Variants in CPB2 observed in about 807,000 individuals in gnomAD.
The protein encoded by CPB2 is carboxypeptidase B-like protein.
A neutral mutation model predicts 57.0 loss-of-function variants in CPB2; 54 were observed. The ratio of observed to expected loss-of-function variants is 0.95; its 90% CI spans 0.76 to 1.19. The LOEUF (loss-of-function observed/expected upper bound fraction) is 1.19. Ranked by LOEUF, CPB2 falls within the 50% of genes most tolerant of loss-of-function variation. CPB2 has a pLI of 0.00. For missense variants in CPB2, 426 were observed against 512.0 expected (o/e 0.83, Z 1.62); for synonymous variants, 189 against 178.1 (o/e 1.06, Z -0.49).
chr13:46,089,723 C>T (rs1260047798), intron 1 of CPB2, among the ~76,000 whole-genome samples: 1 of 152,168 alleles, frequency 6.6e-6, no homozygotes, highest in Middle Eastern at 3.4e-3. Flanking sequence ...AAAGAGATCC[C>T]CTCCCCCTTC....
At chr13:46,071,689 G>A (rs1459329204) in intron 6 of CPB2, among the ~76,000 whole-genome samples, 1 of 152,156 alleles carries the variant, frequency 6.6e-6, no homozygotes, top group African/African-American at 2.4e-5. Context: ...GAGAAGAGAA[G>A]GATCATTGGT....
intron 2 of CPB2, among the ~76,000 whole-genome samples, chr13:46,087,439 C>T (rs1316584496): frequency 6.6e-6 from 1 of 152,194 alleles, no homozygotes; most frequent in East Asian, 1.9e-4. Context: ...TGGTTAAGAA[C>T]CATTGTTTCA....
At chr13:46,091,188 G>A (rs1045130886) in intron 1 of CPB2, among the ~76,000 whole-genome samples, 9 of 152,056 alleles carry the variant, frequency 5.9e-5, no homozygotes, top group African/African-American at 1.7e-4. Context: ...TGATAATTTT[G>A]GTATAGATAT....
At chr13:46,089,362 C>T (rs557424030) in intron 1 of CPB2, among the ~76,000 whole-genome samples, 2 of 152,106 alleles carry the variant, frequency 1.3e-5, no homozygotes, top group Non-Finnish European at 2.9e-5. Context: ...GAGCCAGTGC[C>T]TGAGCTTTGC....
intron 8 of CPB2, among the ~76,000 whole-genome samples, chr13:46,059,248 T>C (rs1404987452): frequency 1.3e-5 from 2 of 152,190 alleles, no homozygotes; most frequent in African/African-American, 4.8e-5. Context: ...ACATCTCATG[T>C]AATTCTTACA....
chr13:46,095,372 C>G (rs1404682260), intron 1 of CPB2, among the ~76,000 whole-genome samples: 2 of 151,950 alleles, frequency 1.3e-5, no homozygotes, highest in Non-Finnish European at 2.9e-5. Flanking sequence ...TCAGTACCAC[C>G]CTTAAAGACC....
At chr13:46,064,423 C>T (rs920257499) in intron 8 of CPB2, among the ~76,000 whole-genome samples, 5 of 152,122 alleles carry the variant, frequency 3.3e-5, no homozygotes, top group Admixed American at 3.3e-4. Context: ...ACTGATTCAA[C>T]TTTCTTATTT....
chr13:46,101,523 A>C (rs2045433704), intron 1 of CPB2, among the ~76,000 whole-genome samples: 1 of 152,176 alleles, frequency 6.6e-6, no homozygotes, highest in African/African-American at 2.4e-5. Flanking sequence ...TCCATGCGAG[A>C]GCAGTGATAG....
At position 46,104,954 on chromosome 13, in the gene CPB2, T is replaced by A; in HGVS notation, c.56A>T (p.His19Leu). The A allele has an allele frequency of 6.2e-7, 1 of 1,613,934 alleles. No homozygotes were observed. Residue 19 changes from histidine to leucine, a missense_variant, in exon 1 of 11, where the codon CAT becomes CTT. Physicochemically the swap from His to Leu is moderately conservative, Grantham distance 99 (BLOSUM62 -3). Coordinates refer to ENST00000181383, the MANE Select transcript of CPB2 (RefSeq NM_001872.5). ...LVPIVLFCEQ[H>L]VFAFQSGQVL... ...GGGTTACCTCTGAAACGCGAAGACA[T>A]GCTGCTCACAGAAGAGAACAATGGG...
intron 4 of CPB2, among the ~76,000 whole-genome samples, chr13:46,081,959 C>CATT (rs1036920927): frequency 5.3e-5 from 8 of 151,942 alleles, no homozygotes; most frequent in African/African-American, 1.5e-4. Flanking sequence ...AAAACAAAGG[C>CATT]ATTATTATTA....
chr13:46,059,268 T>G (rs1305530271), intron 8 of CPB2, among the ~76,000 whole-genome samples: 1 of 152,186 alleles, frequency 6.6e-6, no homozygotes, highest in East Asian at 1.9e-4. Context: ...ACCAGCCCTA[T>G]GAAGTAAATA....
chr13:46,059,562 A>G (rs1050316715), intron 8 of CPB2, among the ~76,000 whole-genome samples: 1 of 146,834 alleles, frequency 6.8e-6, no homozygotes, highest in Non-Finnish European at 1.5e-5. Flanking sequence ...TATGCATTTC[A>G]TAACTGTTGC....
In CPB2 at chr13:46,105,027, G is replaced by A. The variant is rs778999487; in HGVS notation, c.-18C>T. The A allele has an allele frequency of 1.9e-6, 3 of 1,613,764 alleles. No individual in the cohort carries two copies. The highest frequency in any genetic ancestry group is 1.3e-5 in the African/African-American group (1 of 75,024). On this transcript the variant is annotated 5_prime_UTR_variant, in exon 1 of 11. Coordinates refer to ENST00000181383, the MANE Select transcript of CPB2 (RefSeq NM_001872.5). ...AGCTTCATCCCAACAGCAATTTTCT[G>A]TACAACAAATTTCTCTGAAGAGAAA...
At chr13:46,063,886 TATTA>T (rs1172128932) in intron 8 of CPB2, among the ~76,000 whole-genome samples, 1 of 151,576 alleles carries the variant, frequency 6.6e-6, no homozygotes, top group Non-Finnish European at 1.5e-5. Context: ...TTATATTATT[TATTA>T]AAGAAATTAA....
intron 2 of CPB2, among the ~76,000 whole-genome samples, chr13:46,084,877 G>T (rs1474653514): frequency 1.3e-5 from 2 of 149,746 alleles, no homozygotes; most frequent in Admixed American, 1.3e-4. Context: ...TTTTGAGACG[G>T]AGTCTGGCTG....
intron 1 of CPB2, among the ~76,000 whole-genome samples, chr13:46,094,412 T>C (rs908980825): frequency 2.0e-5 from 3 of 152,176 alleles, no homozygotes; most frequent in Admixed American, 2.0e-4. Context: ...CCCTTTCCTT[T>C]GTTAACATGC....
intron 1 of CPB2, among the ~76,000 whole-genome samples, chr13:46,090,108 C>T (rs1328177860): frequency 2.0e-5 from 3 of 151,982 alleles, no homozygotes; most frequent in South Asian, 4.1e-4. Flanking sequence ...CATATTACAT[C>T]CTAATATCTT....
intron 4 of CPB2, among the ~76,000 whole-genome samples, chr13:46,081,656 A>C (rs1446300300): frequency 6.6e-6 from 1 of 152,208 alleles, no homozygotes; most frequent in African/African-American, 2.4e-5. Context: ...ATGGTCCCTA[A>C]TAGTTTCTGG....
At chr13:46,066,357 G>A (rs930750652) in intron 7 of CPB2, among the ~76,000 whole-genome samples, 3 of 151,960 alleles carry the variant, frequency 2.0e-5, no homozygotes, top group Non-Finnish European at 2.9e-5. Flanking sequence ...ACTACAAGAT[G>A]GTAATGCAAT....
Sources: gnomAD v4.1 joint callset for allele counts (sites outside exome capture counted in the v4.1 genomes callset) on GRCh38, gnomAD v4.1.1 for gene constraint, MANE v1.5 for transcripts, NCBI Gene and HGNC (gene_info 2026-07-23, HGNC 2026-07-21) for gene names.